The following NXN variants were observed in gnomAD, a reference collection of about 807,000 sequenced individuals.
NXN encodes the protein nucleoredoxin 1.
In NXN, 16 loss-of-function variants were observed where a neutral mutation model predicts 48.6. The observed-to-expected ratio is 0.33, with a 90% confidence interval of 0.22 to 0.50. NXN has a LOEUF of 0.50. NXN is among the 20% of genes least tolerant of loss of function. NXN has a pLI of 0.98. For synonymous variants in NXN, 281 were observed against 269.6 expected, an observed-to-expected ratio of 1.04 and a Z score of -0.41; for missense variants, 492 against 605.5, an observed-to-expected ratio of 0.81 and a Z score of 1.97.
chr17:824,522 G>C (rs1203498263), intron 2 of NXN, among the ~76,000 whole-genome samples: 1 of 152,192 alleles, frequency 6.6e-6, no homozygotes, highest in East Asian at 1.9e-4. Flanking sequence ...CCGGGATTGT[G>C]GATTCACATC....
intron 1 of NXN, among the ~76,000 whole-genome samples, chr17:972,423 G>A (rs2069396099): frequency 6.6e-6 from 1 of 152,080 alleles, no homozygotes; most frequent in African/African-American, 2.4e-5. Flanking sequence ...GTTGCAGTGA[G>A]CCGAGATCGC....
At chr17:826,213 A>C in intron 1 of NXN, 135 bp from the exon 2 acceptor site, 1 of 732,662 alleles carries the variant, frequency 1.4e-6, no homozygotes, top group South Asian at 1.4e-5. Flanking sequence ...ATGGATGCCA[A>C]GCAGGGCTGC....
chr17:814,498 G>A (rs1167977071), intron 5 of NXN, among the ~76,000 whole-genome samples: 4 of 152,292 alleles, frequency 2.6e-5, no homozygotes, highest in East Asian at 1.9e-4. Flanking sequence ...GAGAGGGGGC[G>A]CGGCAGCAGC....
Position 919,993 on chromosome 17 carries a change from C to T in NXN, c.360+59326G>A, listed in dbSNP as rs1042951154. The stretch of plus-strand genomic sequence containing the variant: ...TGCCTTCATCACCCATCCAGAGCAA[C>T]TACCCACTTCCACGGCCTCCTCCAT... On this transcript the variant is annotated intron_variant, in intron 1 of 7. Coordinates refer to ENST00000336868, the MANE Select transcript of NXN (RefSeq NM_022463.5). The surrounding 1 kb of genome is among the most constrained non-coding windows in gnomAD (Gnocchi z 5.1). 6.6e-6 allele frequency among the ~76,000 whole-genome samples: 1 copy of T among 152,150 alleles called. No individual in the cohort carries two copies. The highest frequency in any genetic ancestry group is 1.9e-4 in the East Asian group (1 of 5,174).
intron 1 of NXN, among the ~76,000 whole-genome samples, chr17:965,575 G>A (rs1377951977): frequency 6.6e-5 from 10 of 152,158 alleles, no homozygotes; most frequent in Admixed American, 3.3e-4. Flanking sequence ...GTTTGGAATC[G>A]GCTGGATTTG....
chr17:870,755 GAAA>G (rs113824007), intron 1 of NXN, among the ~76,000 whole-genome samples: 1 of 131,424 alleles, frequency 7.6e-6, no homozygotes, highest in Non-Finnish European at 1.7e-5. Context: ...ACTCTGTCTG[GAAA>G]AAAAAAAAAA....
chr17:837,498 G>C (rs920627204), intron 1 of NXN, among the ~76,000 whole-genome samples: 2 of 152,214 alleles, frequency 1.3e-5, no homozygotes, highest in African/African-American at 4.8e-5. Flanking sequence ...ACAGAGGAAG[G>C]GAGAGAGGAA....
At chr17:836,368 G>A (rs921655198) in intron 1 of NXN, among the ~76,000 whole-genome samples, 1 of 152,202 alleles carries the variant, frequency 6.6e-6, no homozygotes, top group Non-Finnish European at 1.5e-5. Context: ...GGCCAGGTCA[G>A]CCAAGCCTTC....
chr17:807,018 C>T lies in NXN; in HGVS notation c.821-1771G>A, dbSNP rs1911588589. ...CGGGTGTGCTCAGCGTGGACAGTGC[C>T]CGAGGAGCTGTGTGTGCTGCCGCAC... On this transcript the variant is annotated intron_variant, in intron 5 of 7. Coordinates refer to ENST00000336868, the MANE Select transcript of NXN (RefSeq NM_022463.5). 6.6e-5 allele frequency among the ~76,000 whole-genome samples: 10 copies of T among 152,314 alleles called. No homozygotes were observed. In the South Asian group the frequency reaches 2.1e-3, roughly 32 times the overall value.
intron 7 of NXN, among the ~76,000 whole-genome samples, chr17:802,157 T>TGTTGCCCCAGCTGGA (rs1911245827): frequency 6.6e-6 from 1 of 152,204 alleles, no homozygotes; most frequent in Non-Finnish European, 1.5e-5. Context: ...AGTCTCTTTC[T>TGTTGCCCCAGCTGGA]GTTGCCCCAG....
chr17:804,108 G>T (rs541235428), intron 6 of NXN: 14 of 311,470 alleles, frequency 4.5e-5, no homozygotes, highest in African/African-American at 8.5e-5. Context: ...TCACAAACCC[G>T]CCTGGGAGGC....
At chr17:944,180 A>C (rs2069016077) in intron 1 of NXN, among the ~76,000 whole-genome samples, 2 of 152,178 alleles carry the variant, frequency 1.3e-5, no homozygotes, top group South Asian at 2.1e-4. Context: ...CAGAGGTTGC[A>C]GTGAGCCGAG....
intron 1 of NXN, among the ~76,000 whole-genome samples, chr17:848,140 GTTTT>G (rs1430933368): frequency 6.8e-6 from 1 of 146,526 alleles, no homozygotes; most frequent in Non-Finnish European, 1.5e-5. Context: ...TTGATTTCCT[GTTTT>G]GTTTTTTTTT....
chr17:887,083 A>ATT (rs576994309), intron 1 of NXN, among the ~76,000 whole-genome samples: 1 of 145,744 alleles, frequency 6.9e-6, no homozygotes, highest in African/African-American at 2.5e-5. Flanking sequence ...TAATTTTTGT[A>ATT]TTTTTTTTTT....
In NXN at chr17:800,760, C is replaced by A; in HGVS notation, c.*189G>T. ...ACAGAGTCTCCAAACACGGTGGACT[C>A]TGCCGCTGCTGATTCCACACCCCAG... On this transcript the variant is annotated 3_prime_UTR_variant, in exon 8 of 8. Coordinates refer to ENST00000336868, the MANE Select transcript of NXN (RefSeq NM_022463.5). 2.4e-6 allele frequency: 1 copy of A among 409,048 alleles called. No homozygotes were observed. The allele number at this position is 409,048 out of a possible 1,614,324, so 25.3% of individuals were successfully genotyped here. A position where few individuals can be genotyped will look rare whatever the true frequency, so the allele number is the denominator to read the frequency against.
rs573937493 is a variant in NXN, at chr17:893,059, T to C, written c.361-66981A>G. The stretch of plus-strand genomic sequence containing the variant: ...TGTTCTATGAAACAAAGTCTATCAA[T>C]TAAAAATTTAAAGTCTTCAGACGTT... On this transcript the variant is annotated intron_variant, in intron 1 of 7. Coordinates refer to ENST00000336868, the MANE Select transcript of NXN (RefSeq NM_022463.5). 4.3e-4 allele frequency among the ~76,000 whole-genome samples: 65 copies of C among 152,358 alleles called. 1 individual carries two copies. The South Asian group carries it at 0.012, about 29-fold the overall frequency.
chr17:929,083 G>A (rs2068828502), intron 1 of NXN, among the ~76,000 whole-genome samples: 1 of 152,126 alleles, frequency 6.6e-6, no homozygotes, highest in South Asian at 2.1e-4. Flanking sequence ...ATTTTAACTG[G>A]CTAACAGCAT....
intron 5 of NXN, among the ~76,000 whole-genome samples, chr17:806,767 C>T (rs375032884): frequency 3.9e-5 from 6 of 152,190 alleles, no homozygotes; most frequent in East Asian, 1.9e-4. Context: ...TACCCTGCTG[C>T]GGCCACCAGC....
rs1456134239 is a variant in NXN, at chr17:846,021, G to A, written c.361-19943C>T. On this transcript the variant is annotated intron_variant, in intron 1 of 7. Transcript: ENST00000336868. ...CACTTGAGCCTGGGAGGCGGAGGTT[G>A]CAGTGAGCCGAGATCACACCACTGC... 2.6e-5 allele frequency among the ~76,000 whole-genome samples: 4 copies of A among 152,178 alleles called. No homozygotes were observed. The East Asian group carries it at 7.7e-4, about 29-fold the overall frequency.
Sources: gnomAD v4.1 joint callset for allele counts (sites outside exome capture counted in the v4.1 genomes callset) on GRCh38, gnomAD v4.1.1 for gene constraint, Gnocchi (gnomAD v3.1) non-coding constraint, MANE v1.5 for transcripts, NCBI Gene and HGNC (gene_info 2026-07-23, HGNC 2026-07-21) for gene names.